The following PYGB variants were observed in gnomAD, a reference collection of about 807,000 sequenced individuals.
PYGB encodes glycogen phosphorylase B.
Under a neutral mutation model 94.3 loss-of-function variants are expected in PYGB, and 82 were observed. The ratio of observed to expected loss-of-function variants is 0.87; its 90% CI spans 0.73 to 1.04. PYGB has a LOEUF of 1.04. Ranked by LOEUF, PYGB falls within the 50% of genes least tolerant of loss-of-function variation. PYGB has a pLI of 0.00. For missense variants in PYGB, 1,132 were observed against 1,158.2 expected, an observed-to-expected ratio of 0.98 and a Z score of 0.33; for synonymous variants, 488 against 479.1, an observed-to-expected ratio of 1.02 and a Z score of -0.24.
At chr20:25,272,020 C>T (rs1275334270) in intron 4 of PYGB, among the ~76,000 whole-genome samples, 1 of 152,152 alleles carries the variant, frequency 6.6e-6, no homozygotes, top group African/African-American at 2.4e-5. Context: ...AAGGAGTGAG[C>T]CTCGATCTTG....
At chr20:25,255,092 C>G (rs533113501) in intron 1 of PYGB, among the ~76,000 whole-genome samples, 2 of 152,170 alleles carry the variant, frequency 1.3e-5, no homozygotes, top group Admixed American at 6.5e-5. Flanking sequence ...AAGAAAGTAC[C>G]GTGTGACATC....
At chr20:25,254,525 T>C (rs1219858402) in intron 1 of PYGB, among the ~76,000 whole-genome samples, 1 of 152,128 alleles carries the variant, frequency 6.6e-6, no homozygotes, top group Admixed American at 6.5e-5. Flanking sequence ...AGAAAGGTAA[T>C]TGGACAGTAA....
chr20:25,259,111 T>G, intron 1 of PYGB, 126 bp from the exon 2 acceptor site: 1 of 852,298 alleles, frequency 1.2e-6, no homozygotes. Context: ...GCCCAGTTTT[T>G]GTGCATGGGG....
intron 2 of PYGB, among the ~76,000 whole-genome samples, chr20:25,264,271 A>G (rs2092919669): frequency 6.6e-6 from 1 of 152,202 alleles, no homozygotes. Flanking sequence ...TTGATGGAAC[A>G]TATCTCAAAA....
At chr20:25,257,242 A>G (rs1456403638) in intron 1 of PYGB, among the ~76,000 whole-genome samples, 1 of 152,250 alleles carries the variant, frequency 6.6e-6, no homozygotes, top group African/African-American at 2.4e-5. Flanking sequence ...CAAAGCAGCA[A>G]AACACATTGC....
intron 16 of PYGB, among the ~76,000 whole-genome samples, chr20:25,290,953 G>GC (rs1435747831): frequency 6.6e-6 from 1 of 151,940 alleles, no homozygotes; most frequent in African/African-American, 2.4e-5. Flanking sequence ...TCTGCCCTGG[G>GC]CCCCTCTGCT....
At chr20:25,285,139 G>A (rs2088405767) in intron 14 of PYGB, 1 of 152,244 alleles carries the variant, frequency 6.6e-6, no homozygotes, top group Non-Finnish European at 1.5e-5. Flanking sequence ...TGGTAGGACA[G>A]AGGCTAGAGG....
rs201185344 is a variant in PYGB, at chr20:25,296,865, G to A, written c.*343G>A. 4.5e-5 allele frequency: 12 copies of A among 269,202 alleles called. No homozygotes were observed. Among genetic ancestry groups the A allele is most frequent in the South Asian group, 4.7e-5 (1 of 21,126 alleles). 16.7% of individuals were successfully genotyped at this position (269,202 alleles called of 1,614,324 possible). A position where few individuals can be genotyped will look rare whatever the true frequency, so the allele number is the denominator to read the frequency against. On this transcript the variant is annotated 3_prime_UTR_variant, in exon 20 of 20. Transcript: ENST00000216962. ...GCACACATCTTGCTATGTATTAGCC[G>A]ATGTCTTTAGTGTTGAGCCTCTGGA...
chr20:25,249,119 A>C (rs955855410), intron 1 of PYGB, among the ~76,000 whole-genome samples: 4 of 152,250 alleles, frequency 2.6e-5, no homozygotes, highest in African/African-American at 9.6e-5. Flanking sequence ...AGTGAAACAA[A>C]GTCACTGATT....
rs150918465 is a variant in PYGB at position 25,279,112 on chromosome 20, G to T, written c.1055G>T (p.Arg352Leu). Residue 352 changes from arginine to leucine, a missense_variant, in exon 9 of 20, where the codon CGG becomes CTG. Physicochemically the swap from Arg to Leu is moderately radical, Grantham distance 102 (BLOSUM62 -2). Coordinates refer to ENST00000216962, the MANE Select transcript of PYGB (RefSeq NM_002862.4). ...HPALSIPELM[R>L]ILVDVEKVDW... Reference sequence around the variant, plus strand: ...GCCCTCTCCATCCCTGAGCTCATGCGGATCCTGGTGGACGTGGAGAAGGTG... The same window carrying T: ...GCCCTCTCCATCCCTGAGCTCATGCTGATCCTGGTGGACGTGGAGAAGGTG... The T allele has an allele frequency of 1.1e-4, 177 of 1,613,908 alleles. No individual in the cohort carries two copies. The highest frequency in any genetic ancestry group is 1.5e-4 in the Non-Finnish European group (173 of 1,179,932).
chr20:25,273,631 G>A (rs1218025703), intron 4 of PYGB, among the ~76,000 whole-genome samples: 2 of 152,294 alleles, frequency 1.3e-5, no homozygotes, highest in South Asian at 2.1e-4. Context: ...AGGGTGGCTC[G>A]AATCTGCAGG....
At chr20:25,275,562 C>T (rs1044932241) in intron 5 of PYGB, among the ~76,000 whole-genome samples, 1 of 152,226 alleles carries the variant, frequency 6.6e-6, no homozygotes. Context: ...AAATCAAATA[C>T]ATGGGCTTCG....
At chr20:25,288,678 C>G in intron 15 of PYGB, 195 bp downstream of exon 15, 1 of 644,592 alleles carries the variant, frequency 1.6e-6, no homozygotes, top group Non-Finnish European at 2.6e-6. Flanking sequence ...CTCCTGCCTG[C>G]CCAGCTCACT....
chr20:25,276,690 GAAC>G lies in PYGB; in HGVS notation c.710_712del (p.Asn237del), dbSNP rs763471881. The G allele has an allele frequency of 6.2e-7, 1 of 1,613,974 alleles. No individual in the cohort carries two copies. The highest frequency in any genetic ancestry group is 8.5e-7 in the Non-Finnish European group (1 of 1,179,900). Reference sequence around the variant, plus strand: ...ACGACACCCCAGTGCCCGGCTACAAGAACAACACCGTCAACACCATGCGGCTGT... The same window carrying G: ...ACGACACCCCAGTGCCCGGCTACAAGAACACCGTCAACACCATGCGGCTGT... On this transcript the variant is annotated inframe_deletion, in exon 6 of 20. Coordinates refer to ENST00000216962, the MANE Select transcript of PYGB (RefSeq NM_002862.4).
At chr20:25,288,582 G>A (rs777161769) in intron 15 of PYGB, 99 bp downstream of exon 15, 31 of 1,407,320 alleles carry the variant, frequency 2.2e-5, no homozygotes, top group East Asian at 6.9e-5. Context: ...ATCCATACTC[G>A]GGAACCGGAT....
chr20:25,269,069 C>A, intron 2 of PYGB, 60 bp from the exon 3 acceptor site: 1 of 1,386,814 alleles, frequency 7.2e-7, no homozygotes, highest in Non-Finnish European at 1.0e-6. Flanking sequence ...ATCTTTCAGC[C>A]TGTCATTCAA....
At chr20:25,259,367 G>T in intron 2 of PYGB, 29 bp downstream of exon 2, 1 of 1,519,924 alleles carries the variant, frequency 6.6e-7, no homozygotes. Context: ...GGGCTTCTGG[G>T]TGGCCCCTCG....
rs199898339 is a variant in PYGB, at chr20:25,284,080, C to T, written c.1621-24C>T. 21 of 1,611,256 alleles carry T rather than the reference C, an allele frequency of 1.3e-5. 1 individual carries two copies. The South Asian group carries it at 2.0e-4, about 15-fold the overall frequency. On this transcript the variant is annotated intron_variant, in intron 13 of 19. Coordinates refer to ENST00000216962, the MANE Select transcript of PYGB (RefSeq NM_002862.4). ...ATGGAGTCCTGGTGAAGTCTCCAGC[C>T]ATCTTTCCCTTTCACCCTCCCAGGA...
rs770545967 is a variant in PYGB, at chr20:25,284,175, C to G, written c.1692C>G (p.Phe564Leu). The G allele has an allele frequency of 3.7e-6, 6 of 1,614,040 alleles. No homozygotes were observed. Among genetic ancestry groups the G allele is most frequent in the Non-Finnish European group, 3.4e-6 (4 of 1,179,968 alleles). The change falls in exon 14 of 20, where the codon TTC becomes TTG. Residue 564 changes from phenylalanine (F) to leucine (L), a missense_variant. By Grantham distance (22) the Phe-to-Leu change is conservative. Transcript: ENST00000216962. ...YKVKINPSSM[F>L]DVHVKRIHEY... ...TGAAGATCAACCCCTCCTCCATGTT[C>G]GATGTGCATGTGAAGAGGATCCACG...
Sources: gnomAD v4.1 joint callset for allele counts (sites outside exome capture counted in the v4.1 genomes callset) on GRCh38, gnomAD v4.1.1 for gene constraint, MANE v1.5 for transcripts, NCBI Gene and HGNC (gene_info 2026-07-23, HGNC 2026-07-21) for gene names.